The following TRIM37 variants were observed in gnomAD, a reference collection of about 807,000 sequenced individuals.
TRIM37 encodes the protein E3 ubiquitin-protein ligase TRIM37.
In TRIM37, 80 loss-of-function variants were observed where a neutral mutation model predicts 129.8. The observed-to-expected ratio is 0.62, with a 90% confidence interval of 0.51 to 0.74. The LOEUF is 0.74. Among genes scored for constraint, TRIM37 ranks in the 30% least tolerant of loss-of-function variants. TRIM37 has a pLI of 0.00. For synonymous variants in TRIM37, 389 were observed against 387.1 expected, an observed-to-expected ratio of 1.00 and a Z score of -0.06; for missense variants, 1,054 against 1,176.5, an observed-to-expected ratio of 0.90 and a Z score of 1.52.
At position 59,024,474 on chromosome 17, in the gene TRIM37, G is replaced by C. The variant is rs576917400; in HGVS notation, c.2257+3941C>G. ...AGATGACCTGAATAAATGGAGAGAA[G>C]TACCACATTCCTAGACATGAATGTT... is the stretch of plus-strand genomic sequence containing the variant. On this transcript the variant is annotated intron_variant, in intron 19 of 23. Transcript: ENST00000262294. Among the ~76,000 whole-genome samples the C allele has an allele frequency of 1.9e-4, 29 of 152,144 alleles. No homozygotes were observed. The South Asian group carries it at 2.3e-3, about 12-fold the overall frequency.
Position 59,094,994 on chromosome 17 carries a change from T to C in TRIM37, c.124-3654A>G, listed in dbSNP as rs746679809. 1.2e-4 allele frequency among the ~76,000 whole-genome samples: 18 copies of C among 152,114 alleles called. 1 individual carries two copies. The highest frequency in any genetic ancestry group is 1.9e-4 in the Non-Finnish European group (13 of 68,024). On this transcript the variant is annotated intron_variant, in intron 2 of 23. Transcript: ENST00000262294. ...ACTTTGGCAGGCCAAGGTGGGAGGA[T>C]TGCTTAAGGCCAGGAGCTCCAGATC...
At chr17:59,021,473 T>C (rs2036597137) in intron 19 of TRIM37, among the ~76,000 whole-genome samples, 1 of 152,192 alleles carries the variant, frequency 6.6e-6, no homozygotes, top group Non-Finnish European at 1.5e-5. Flanking sequence ...TCCTGTCATT[T>C]GCAACAACAT....
At chr17:59,014,650 T>C (rs2035683019) in intron 21 of TRIM37, among the ~76,000 whole-genome samples, 1 of 150,376 alleles carries the variant, frequency 6.6e-6, no homozygotes, top group Non-Finnish European at 1.5e-5. Context: ...ACAAAATATA[T>C]ATAAATGCCT....
rs141464100 is a variant in TRIM37, at chr17:59,101,531, G to T, written c.123+2762C>A. Among the ~76,000 whole-genome samples the T allele has an allele frequency of 5.5e-3, 823 of 150,910 alleles. 5 individuals are homozygous for T. Among genetic ancestry groups the T allele is most frequent in the African/African-American group, 0.019 (765 of 41,224 alleles). ...TAACTAATTGCACTTAAAAATCATT[G>T]GTATAGGCCAGAGGCAGCGGCTCAT... On this transcript the variant is annotated intron_variant, in intron 2 of 23. Transcript: ENST00000262294.
At chr17:59,081,964 A>AAAAAAAAAAAAAAAAAAAAAAAT (rs1568200247) in intron 5 of TRIM37, among the ~76,000 whole-genome samples, 3 of 87,226 alleles carry the variant, frequency 3.4e-5, no homozygotes, top group East Asian at 3.1e-4. Context: ...AAAAAAAAAA[A>AAAAAAAAAAAAAAAAAAAAAAAT]AATAATAATA....
In TRIM37 at chr17:59,007,158, AACACACAC is replaced by A. The variant is rs540872393; in HGVS notation, c.2695+5162_2695+5169del. Among the ~76,000 whole-genome samples the A allele has an allele frequency of 4.3e-3, 36 of 8,350 alleles. 1 individual carries two copies. The highest frequency in any genetic ancestry group is 0.017 in the East Asian group (2 of 118). The allele number at this position is 8,350 out of a possible 152,430, so 5.5% of individuals were successfully genotyped here. A position where few individuals can be genotyped will look rare whatever the true frequency, so the allele number is the denominator to read the frequency against. On this transcript the variant is annotated intron_variant, in intron 22 of 23. Transcript: ENST00000262294. ...TAAAACAACCCCACCCCCACCCTCC[AACACACAC>A]ACACACACACACACACACACACACA...
intron 13 of TRIM37, among the ~76,000 whole-genome samples, chr17:59,055,417 C>T (rs984663788): frequency 2.6e-5 from 4 of 151,012 alleles, no homozygotes; most frequent in Admixed American, 6.6e-5. Context: ...CTAAATGGGC[C>T]GGGCGCAGTG....
chr17:59,017,637 T>G (rs1044707844), intron 19 of TRIM37, among the ~76,000 whole-genome samples: 1 of 151,790 alleles, frequency 6.6e-6, no homozygotes, highest in African/African-American at 2.4e-5. Context: ...TTTTTTTTTT[T>G]CCCCCAGATG....
At chr17:58,986,522 T>TC (rs11389040) in intron 24 of TRIM37, among the ~76,000 whole-genome samples, 5 of 148,464 alleles carry the variant, frequency 3.4e-5, no homozygotes, top group African/African-American at 1.3e-4. Flanking sequence ...TTTTTTTTTT[T>TC]CTTTTTTGAG....
chr17:59,079,794 C>T lies in TRIM37; in HGVS notation c.576G>A (p.Arg192=), dbSNP rs776001843. ...IRNAVEMMIA[R]LDTQLKNKLI... Reference sequence around the variant, plus strand: ...GCTTATTCTTCAGCTGTGTGTCTAACCGTGCAATCATCATCTCCACTGCAT... The same window carrying T: ...GCTTATTCTTCAGCTGTGTGTCTAATCGTGCAATCATCATCTCCACTGCAT... Residue 192 remains arginine (R), a synonymous_variant, in exon 7 of 24, where the codon CGG becomes CGA. Transcript: ENST00000262294. The T allele has an allele frequency of 1.9e-6, 3 of 1,614,076 alleles. No individual in the cohort carries two copies. Among genetic ancestry groups the T allele is most frequent in the Non-Finnish European group, 8.5e-7 (1 of 1,179,976 alleles).
At chr17:58,979,260 A>G (rs1017743449), downstream of TRIM37, among the ~76,000 whole-genome samples, 3 of 152,222 alleles carry the variant, frequency 2.0e-5, no homozygotes, top group Non-Finnish European at 2.9e-5. Flanking sequence ...AAAAATGGCC[A>G]TACATTTTGT....
intron 22 of TRIM37, among the ~76,000 whole-genome samples, chr17:59,006,494 T>C (rs1168615572): frequency 6.6e-6 from 1 of 152,196 alleles, no homozygotes; most frequent in African/African-American, 2.4e-5. Flanking sequence ...ACCAACAATT[T>C]ATCTGCCTTT....
At chr17:59,023,071 T>TTTTA (rs527276083) in intron 19 of TRIM37, among the ~76,000 whole-genome samples, 265 of 152,120 alleles carry the variant, frequency 1.7e-3, no homozygotes, top group African/African-American at 5.8e-3. Context: ...CTTTTAACTT[T>TTTTA]TTTATTTATT....
intron 22 of TRIM37, among the ~76,000 whole-genome samples, chr17:59,002,687 C>T (rs1207816408): frequency 6.6e-6 from 1 of 152,048 alleles, no homozygotes; most frequent in East Asian, 1.9e-4. Context: ...TGAACAAGCA[C>T]ATTAAAAGGC....
chr17:58,999,573 G>T lies in TRIM37; in HGVS notation c.2813-114C>A. 4 of 885,038 alleles carry T rather than the reference G, an allele frequency of 4.5e-6. No homozygotes were observed. The South Asian group carries it at 5.1e-5, about 11-fold the overall frequency. 54.8% of individuals were successfully genotyped at this position (885,038 alleles called of 1,614,324 possible). ...CCAAATGTGTTATTTAAGTGATAAA[G>T]ATGTGCTGGGTTGTGAACAAATCTC... is the stretch of plus-strand genomic sequence containing the variant. On this transcript the variant is annotated intron_variant, in intron 23 of 23. Coordinates refer to ENST00000262294, the MANE Select transcript of TRIM37 (RefSeq NM_015294.6).
At chr17:59,098,195 T>C (rs910460261) in intron 2 of TRIM37, among the ~76,000 whole-genome samples, 26 of 152,036 alleles carry the variant, frequency 1.7e-4, no homozygotes, top group African/African-American at 5.8e-4. Flanking sequence ...AGACAGAAGG[T>C]AGAATAGTGG....
At chr17:59,098,900 T>C (rs1599571215) in intron 2 of TRIM37, among the ~76,000 whole-genome samples, 1 of 151,946 alleles carries the variant, frequency 6.6e-6, no homozygotes, top group Admixed American at 6.6e-5. Context: ...AATGGATAAA[T>C]AGGCTAGGCG....
At position 58,986,343 on chromosome 17, in the gene TRIM37, C is replaced by T. The variant is rs147242030; in HGVS notation, c.2892-3422G>A. Among the ~76,000 whole-genome samples the T allele has an allele frequency of 9.1e-3, 1,385 of 151,894 alleles. 24 individuals carry two copies. The highest frequency in any genetic ancestry group is 0.031 in the African/African-American group (1,295 of 41,404). Reference sequence around the variant, plus strand: ...TCTCCCAAGTAGCTGGGATTACAGGCGCCCGCCACCACACCCAGCTCATTT... The same window carrying T: ...TCTCCCAAGTAGCTGGGATTACAGGTGCCCGCCACCACACCCAGCTCATTT... On this transcript the variant is annotated intron_variant, in intron 24 of 24. Transcript: ENST00000393066.
intron 22 of TRIM37, among the ~76,000 whole-genome samples, chr17:59,009,743 GC>G (rs2035024990): frequency 6.6e-6 from 1 of 152,114 alleles, no homozygotes; most frequent in Admixed American, 6.6e-5. Context: ...ACTGCGCCCG[GC>G]CCTGGCCTTC....
Sources: allele counts gnomAD v4.1 joint callset (sites outside exome capture counted in the v4.1 genomes callset), GRCh38; gene constraint gnomAD v4.1.1; transcripts MANE v1.5; gene names NCBI Gene and HGNC (gene_info 2026-07-23, HGNC 2026-07-21).